The following FIG4 variants were observed in gnomAD, a reference collection of about 807,000 sequenced individuals.
FIG4 encodes polyphosphoinositide phosphatase.
In FIG4, 112 loss-of-function variants were observed where a neutral mutation model predicts 118.6. The ratio of observed to expected loss-of-function variants is 0.94; its 90% CI spans 0.81 to 1.11. The LOEUF is 1.11. FIG4 is among the 50% of genes least tolerant of loss of function. The probability of loss-of-function intolerance (pLI) is 0.00; values close to 1 mark genes in which losing one functional copy is unlikely to be tolerated. For synonymous variants in FIG4, 369 were observed against 381.2 expected (o/e 0.97, Z 0.37); for missense variants, 969 against 1,111.7 (o/e 0.87, Z 1.83).
In FIG4 at chr6:109,787,419, A is replaced by T. The variant is rs180754763; in HGVS notation, c.2096+970A>T. Among the ~76,000 whole-genome samples the T allele has an allele frequency of 7.9e-5, 12 of 152,272 alleles. No individual in the cohort carries two copies. The East Asian group carries it at 2.1e-3, about 27-fold the overall frequency. On this transcript the variant is annotated intron_variant, in intron 18 of 22. Transcript: ENST00000230124. ...TAGTTAGGAACAGTTCGAAATTCTTACTTGCTTGATTTTTCAAGTAAACTT... is the reference window on the plus strand; with the variant it reads ...TAGTTAGGAACAGTTCGAAATTCTTTCTTGCTTGATTTTTCAAGTAAACTT...
At chr6:109,730,052 AT>A (rs570555524) in intron 4 of FIG4, among the ~76,000 whole-genome samples, 38 of 148,484 alleles carry the variant, frequency 2.6e-4, no homozygotes, top group African/African-American at 6.2e-4. Flanking sequence ...TTAATTTATA[AT>A]TTTTTTTTTT....
intron 22 of FIG4, among the ~76,000 whole-genome samples, chr6:109,809,727 T>A (rs1388052988): frequency 2.6e-5 from 4 of 152,212 alleles, no homozygotes; most frequent in Admixed American, 6.5e-5. Flanking sequence ...AAGCAAATGT[T>A]CTCTTTTTAA....
At chr6:109,786,953 A>G (rs1777980142) in intron 18 of FIG4, among the ~76,000 whole-genome samples, 1 of 152,146 alleles carries the variant, frequency 6.6e-6, no homozygotes, top group Non-Finnish European at 1.5e-5. Flanking sequence ...TGCCTGGTAC[A>G]GGCAGGTGAT....
chr6:109,815,561 C>CT (rs1352243501), intron 22 of FIG4, among the ~76,000 whole-genome samples: 2 of 145,006 alleles, frequency 1.4e-5, no homozygotes, highest in African/African-American at 5.2e-5. Context: ...ATCCCCCAGA[C>CT]TGTCACAGGC....
In FIG4 at chr6:109,793,933, A is replaced by G. The variant is rs76146669; in HGVS notation, c.2459+1269A>G. On this transcript the variant is annotated intron_variant, in intron 21 of 22. Coordinates refer to ENST00000230124, the MANE Select transcript of FIG4 (RefSeq NM_014845.6). ...ACACACAAACACACAGTACTTATTC[A>G]TCATGGCTGTCAGAACTCTGTAGCC... is the stretch of plus-strand genomic sequence containing the variant. Among the ~76,000 whole-genome samples, 100 of 152,332 alleles carry G rather than the reference A, an allele frequency of 6.6e-4. 1 individual carries two copies. The East Asian group carries it at 0.017, about 26-fold the overall frequency.
intron 10 of FIG4, among the ~76,000 whole-genome samples, chr6:109,757,178 GT>G (rs55873248): frequency 0.29 from 44,595 of 152,020 alleles, 7,163 homozygotes; most frequent in Non-Finnish European, 0.37. Flanking sequence ...TTTTTGAAGA[GT>G]TTTTCATGTC....
At chr6:109,706,502 T>C (rs1230647532) in intron 1 of FIG4, among the ~76,000 whole-genome samples, 2 of 152,204 alleles carry the variant, frequency 1.3e-5, no homozygotes, top group African/African-American at 4.8e-5. Flanking sequence ...GACTGACTAC[T>C]AACAGATTGG....
At chr6:109,691,576 G>A (rs1169014049) in intron 1 of FIG4, 75 bp downstream of exon 1, 1 of 1,268,726 alleles carries the variant, frequency 7.9e-7, no homozygotes, top group Non-Finnish European at 1.1e-6. Context: ...GTAGGACAGA[G>A]GCTGTACTCT....
At chr6:109,714,297 C>T (rs1183426010) in intron 1 of FIG4, among the ~76,000 whole-genome samples, 1 of 152,144 alleles carries the variant, frequency 6.6e-6, no homozygotes, top group Non-Finnish European at 1.5e-5. Flanking sequence ...CCAGCTTCTT[C>T]CCTCTTCAGC....
intron 17 of FIG4, 36 bp downstream of exon 17, chr6:109,785,064 C>G: frequency 8.4e-7 from 1 of 1,186,826 alleles, no homozygotes. Flanking sequence ...TTTACACTAA[C>G]ATATTTTGGC....
chr6:109,825,220 G>A lies in FIG4; in HGVS notation c.2679G>A (p.Glu893=), dbSNP rs1779124559. The change falls in exon 23 of 23, where the codon GAG becomes GAA. Residue 893 remains glutamate, a synonymous_variant. Coordinates refer to ENST00000230124, the MANE Select transcript of FIG4 (RefSeq NM_014845.6). ...SQGIMQPLGK[E]DSSMYREYIR... The stretch of plus-strand genomic sequence containing the variant: ...GTATCATGCAGCCCCTAGGAAAAGA[G>A]GACTCCTCCATGTACCGAGAGTACA... 1 of 1,614,070 alleles carries A rather than the reference G, an allele frequency of 6.2e-7. No homozygotes were observed. The highest frequency in any genetic ancestry group is 1.3e-5 in the African/African-American group (1 of 75,028).
At chr6:109,781,166 A>G (rs941142988) in intron 16 of FIG4, among the ~76,000 whole-genome samples, 2 of 152,112 alleles carry the variant, frequency 1.3e-5, no homozygotes, top group Admixed American at 6.5e-5. Context: ...CACTTACACA[A>G]TTCTTCCTCA....
At chr6:109,700,007 C>A (rs1287728700) in intron 1 of FIG4, among the ~76,000 whole-genome samples, 1 of 152,174 alleles carries the variant, frequency 6.6e-6, no homozygotes, top group Non-Finnish European at 1.5e-5. Context: ...GAACCTCTTT[C>A]ATAAGTGCAC....
In FIG4 at chr6:109,741,492, G is replaced by A. The variant is rs773690285; in HGVS notation, c.824G>A (p.Arg275Lys). 1 of 1,613,512 alleles carries A rather than the reference G, an allele frequency of 6.2e-7. No individual in the cohort carries two copies. The highest frequency in any genetic ancestry group is 1.1e-5 in the South Asian group (1 of 91,088). Residue 275 changes from arginine to lysine, a missense_variant, in exon 8 of 23, where the codon AGA becomes AAA. Arg to Lys is a conservative substitution (Grantham distance 26, BLOSUM62 2). This residue lies in a region of FIG4 where 393 missense variants were observed against 409.4 expected (regional missense o/e 0.96). Coordinates refer to ENST00000230124, the MANE Select transcript of FIG4 (RefSeq NM_014845.6). ...GTGTATGTCACTCTAATAGCTAGAA[G>A]ATCCAGTAAATTTGCTGGCACCCGT... ...RPVYVTLIAR[R>K]SSKFAGTRFL... is the part of the protein sequence containing the mutation.
chr6:109,740,643 T>C (rs1776295425), intron 7 of FIG4, among the ~76,000 whole-genome samples: 2 of 152,164 alleles, frequency 1.3e-5, no homozygotes, highest in Admixed American at 6.5e-5. Context: ...TTTTAGAGTC[T>C]TATACTCAGT....
At chr6:109,802,606 A>G (rs1368534982) in intron 22 of FIG4, among the ~76,000 whole-genome samples, 2 of 152,236 alleles carry the variant, frequency 1.3e-5, no homozygotes, top group Non-Finnish European at 2.9e-5. Flanking sequence ...GTTTGGATTT[A>G]TATGAATGCA....
In FIG4 at chr6:109,760,820, G is replaced by A. The variant is rs895962298; in HGVS notation, c.1271+437G>A. Among the ~76,000 whole-genome samples, 12 of 152,046 alleles carry A rather than the reference G, an allele frequency of 7.9e-5. 1 individual carries two copies. The highest frequency in any genetic ancestry group is 7.2e-4 in the Admixed American group (11 of 15,264). On this transcript the variant is annotated intron_variant, in intron 11 of 22. Coordinates refer to ENST00000230124, the MANE Select transcript of FIG4 (RefSeq NM_014845.6). ...TGACCACTTTTTATTTATCCCAAGG[G>A]CTGTTCTCTTCCAGAAAACTGAATT...
chr6:109,825,338 A>G lies in FIG4; in HGVS notation c.*73A>G. The G allele has an allele frequency of 1.4e-6, 2 of 1,428,282 alleles. No homozygotes were observed. The highest frequency in any genetic ancestry group is 1.7e-5 in the Admixed American group (1 of 58,236). The allele number at this position is 1,428,282 out of a possible 1,614,324, so 88.5% of individuals were successfully genotyped here. A position where few individuals can be genotyped will look rare whatever the true frequency, so the allele number is the denominator to read the frequency against. The stretch of plus-strand genomic sequence containing the variant: ...TGTCTTGTCTCATCTTCAAAAGGTA[A>G]CTTATTAAAAGTCCTTTGCGTCTGA... On this transcript the variant is annotated 3_prime_UTR_variant, in exon 23 of 23. Transcript: ENST00000230124.
At chr6:109,746,212 G>T (rs895869600) in intron 10 of FIG4, among the ~76,000 whole-genome samples, 2 of 152,030 alleles carry the variant, frequency 1.3e-5, no homozygotes, top group Admixed American at 6.6e-5. Context: ...CTGAAACTGG[G>T]TCCCTTCCTT....
Sources: gnomAD v4.1 joint callset for allele counts (sites outside exome capture counted in the v4.1 genomes callset) on GRCh38, gnomAD v4.1.1 for gene constraint, gnomAD v4.1.1 regional missense constraint, MANE v1.5 for transcripts, NCBI Gene and HGNC (gene_info 2026-07-23, HGNC 2026-07-21) for gene names.